PCBP3: variants seen among roughly 807,000 people sequenced by gnomAD.
PCBP3 encodes the protein poly(rC) binding protein 3.
Under a neutral mutation model 52.7 loss-of-function variants are expected in PCBP3, and 25 were observed. That is an observed-to-expected ratio of 0.47 (90% confidence interval 0.35 to 0.66). PCBP3 has a LOEUF of 0.66. Among genes scored for constraint, PCBP3 ranks in the 30% least tolerant of loss-of-function variants. PCBP3 has a pLI of 0.01. For synonymous variants in PCBP3, 162 were observed against 183.0 expected (o/e 0.89, Z 0.93); for missense variants, 391 against 490.3 (o/e 0.80, Z 1.91).
At chr21:45,792,730 A>G (rs948842716) in intron 4 of PCBP3, among the ~76,000 whole-genome samples, 4 of 152,226 alleles carry the variant, frequency 2.6e-5, no homozygotes, top group African/African-American at 7.2e-5. Flanking sequence ...AGACAGGCCT[A>G]ATGCAGAGAA....
chr21:45,767,338 T>C (rs1451663860), intron 4 of PCBP3, among the ~76,000 whole-genome samples: 1 of 152,248 alleles, frequency 6.6e-6, no homozygotes, highest in Admixed American at 6.5e-5. Flanking sequence ...GCATCCTGTT[T>C]TTGAGGTTTA....
rs2086462721 is a variant in PCBP3 at position 45,741,664 on chromosome 21, A to C, written c.-162+6235A>C. On this transcript the variant is annotated intron_variant, in intron 3 of 17. Coordinates refer to ENST00000681687, the MANE Select transcript of PCBP3 (RefSeq NM_001384156.1). This position sits in a 1 kb window ranked among gnomAD's most constrained non-coding sequence, Gnocchi z 4.5. ...AAAAACTGTGTATATTTATAGTTTTATTAAAAATAAAAAATTTTAAAGGTT... is the reference window on the plus strand; with the variant it reads ...AAAAACTGTGTATATTTATAGTTTTCTTAAAAATAAAAAATTTTAAAGGTT... Among the ~76,000 whole-genome samples the C allele has an allele frequency of 6.6e-6, 1 of 152,174 alleles. No individual in the cohort carries two copies.
Position 45,847,478 on chromosome 21 carries a change from C to T in PCBP3, c.-125-2483C>T, listed in dbSNP as rs78224261. Among the ~76,000 whole-genome samples, 807 of 152,260 alleles carry T rather than the reference C, an allele frequency of 5.3e-3. 4 individuals carry two copies. The highest frequency in any genetic ancestry group is 0.018 in the African/African-American group (756 of 41,548). On this transcript the variant is annotated intron_variant, in intron 4 of 17. Coordinates refer to ENST00000681687, the MANE Select transcript of PCBP3 (RefSeq NM_001384156.1). ...GTCAAATTTCCCAGTGGTCTCTTGG[C>T]TTGAGGAAGATTCTTTTGTAGTGGG...
At chr21:45,937,157 G>A (rs892750537) in intron 16 of PCBP3, among the ~76,000 whole-genome samples, 1 of 152,208 alleles carries the variant, frequency 6.6e-6, no homozygotes, top group African/African-American at 2.4e-5. Context: ...TCTCGTCCAC[G>A]TCCGTCTCTT....
chr21:45,884,599 T>C (rs2095476227), intron 5 of PCBP3, among the ~76,000 whole-genome samples: 1 of 152,060 alleles, frequency 6.6e-6, no homozygotes, highest in Non-Finnish European at 1.5e-5. Context: ...CTTGCTCTGT[T>C]GCCCAGGCTG....
chr21:45,734,352 C>T (rs1358333860), intron 2 of PCBP3, among the ~76,000 whole-genome samples: 1 of 152,190 alleles, frequency 6.6e-6, no homozygotes, highest in African/African-American at 2.4e-5. Flanking sequence ...ATGTGCCCAT[C>T]CATGTCCAGG....
At chr21:45,754,420 T>G (rs2087837031) in intron 3 of PCBP3, among the ~76,000 whole-genome samples, 1 of 152,230 alleles carries the variant, frequency 6.6e-6, no homozygotes, top group Non-Finnish European at 1.5e-5. Context: ...TCGTTTCTTT[T>G]GCTTCGGTTG....
intron 11 of PCBP3, chr21:45,911,248 C>A: frequency 1.6e-6 from 1 of 635,606 alleles, no homozygotes; most frequent in Non-Finnish European, 2.9e-6. Flanking sequence ...TTCGTGGGGG[C>A]GTCTAGGGGA....
At chr21:45,826,182 C>T (rs868298630) in intron 4 of PCBP3, among the ~76,000 whole-genome samples, 5 of 151,520 alleles carry the variant, frequency 3.3e-5, no homozygotes, top group Non-Finnish European at 5.9e-5. Context: ...TGCTGGAACC[C>T]GGGAGGTGGA....
At chr21:45,646,069 CTCTCTCTCTCTCTT>C (rs1463610384) in intron 1 of PCBP3, among the ~76,000 whole-genome samples, 10 of 122,790 alleles carry the variant, frequency 8.1e-5, no homozygotes, top group East Asian at 6.9e-4. Context: ...CTCTCTCTCT[CTCTCTCTCTCTCTT>C]TCTCTCTCTC....
intron 2 of PCBP3, among the ~76,000 whole-genome samples, chr21:45,676,031 GC>G (rs2081438211): frequency 6.6e-6 from 1 of 152,182 alleles, no homozygotes; most frequent in Non-Finnish European, 1.5e-5. Flanking sequence ...ATGTACTTTG[GC>G]AGATGGAACT....
intron 7 of PCBP3, among the ~76,000 whole-genome samples, 154 bp downstream of exon 7, chr21:45,899,776 C>T (rs1463118442): frequency 2.0e-5 from 3 of 152,080 alleles, no homozygotes; most frequent in African/African-American, 7.2e-5. Flanking sequence ...CCAGAGGTGT[C>T]GCCTTTATGC....
chr21:45,813,225 A>G (rs148289714), intron 4 of PCBP3, among the ~76,000 whole-genome samples: 110 of 151,946 alleles, frequency 7.2e-4, no homozygotes, highest in African/African-American at 2.5e-3. Flanking sequence ...TTTTTTATCT[A>G]TCTGTGCGTA....
chr21:45,781,991 G>A (rs1274569752), intron 4 of PCBP3, among the ~76,000 whole-genome samples: 3 of 152,008 alleles, frequency 2.0e-5, no homozygotes, highest in Non-Finnish European at 4.4e-5. Context: ...CTCAAGATTC[G>A]TCAGTGCCGT....
At chr21:45,659,090 A>G (rs969224630) in intron 1 of PCBP3, among the ~76,000 whole-genome samples, 1 of 110,266 alleles carries the variant, frequency 9.1e-6, no homozygotes, top group Non-Finnish European at 2.0e-5. Context: ...TCTTTTTTTA[A>G]AAAAAAAACT....
intron 5 of PCBP3, among the ~76,000 whole-genome samples, chr21:45,850,578 A>G (rs2093956643): frequency 6.6e-6 from 1 of 152,214 alleles, no homozygotes; most frequent in Non-Finnish European, 1.5e-5. Flanking sequence ...TGTTGATACA[A>G]TTGCAAGGAA....
At chr21:45,707,828 T>C (rs913805626) in intron 2 of PCBP3, among the ~76,000 whole-genome samples, 4 of 152,192 alleles carry the variant, frequency 2.6e-5, no homozygotes, top group African/African-American at 7.2e-5. Flanking sequence ...CACTGGCACG[T>C]GCAGACAATG....
chr21:45,755,731 G>C (rs995108434), intron 4 of PCBP3, among the ~76,000 whole-genome samples: 1 of 152,148 alleles, frequency 6.6e-6, no homozygotes, highest in Admixed American at 6.5e-5. Flanking sequence ...CTTTGGCAAA[G>C]TGTCTGTTCA....
rs1315171281 is a variant in PCBP3 at position 45,900,632 on chromosome 21, G to A, written c.222+9G>A. 2 of 1,601,028 alleles carry A rather than the reference G, an allele frequency of 1.2e-6. No homozygotes were observed. Among genetic ancestry groups the A allele is most frequent in the East Asian group, 2.2e-5 (1 of 44,812 alleles). ...AGAAGATGCGTGAGGAGGTGAGTGT[G>A]GTGGGTCCCCACCTGTCCGCAGCCA... is the stretch of plus-strand genomic sequence containing the variant. On this transcript the variant is annotated intron_variant, in intron 8 of 17. Transcript: ENST00000681687.
Sources: allele counts gnomAD v4.1 joint callset (sites outside exome capture counted in the v4.1 genomes callset), GRCh38; gene constraint gnomAD v4.1.1; non-coding constraint Gnocchi (gnomAD v3.1); transcripts MANE v1.5; gene names NCBI Gene and HGNC (gene_info 2026-07-23, HGNC 2026-07-21).